The following GALNS variants were observed in gnomAD, a reference collection of about 807,000 sequenced individuals.
GALNS encodes N-acetylgalactosamine-6-sulfatase.
GALNS carries 65 observed loss-of-function variants against 65.9 expected under a neutral mutation model. The observed-to-expected ratio is 0.99, with a 90% CI of 0.81 to 1.21. The LOEUF (loss-of-function observed/expected upper bound fraction) is 1.21, where lower values mean the gene tolerates loss of function less well. Among genes scored for constraint, GALNS ranks in the 50% most tolerant of loss-of-function variants. The pLI, the probability that GALNS is intolerant of heterozygous loss-of-function variation, is 0.00. For synonymous variants in GALNS, 346 were observed against 288.9 expected (o/e 1.20, Z -2.00); for missense variants, 776 against 700.7 (o/e 1.11, Z -1.21).
rs377285422 is a variant in GALNS at position 88,832,070 on chromosome 16, C to T, written c.930G>A (p.Lys310=). Residue 310 remains lysine (K), a synonymous_variant, in exon 9 of 14, where the codon AAG becomes AAA. Coordinates refer to ENST00000268695, the MANE Select transcript of GALNS (RefSeq NM_000512.5). ...TCATCCCTCCTTCAAACGTGGTCTG[C>T]TTCCCACACAGAAAGGGGCCGTTGC... ...GGSNGPFLCG[K]QTTFEGGMRE... The T allele has an allele frequency of 5.6e-6, 9 of 1,613,822 alleles. No homozygotes were observed. The highest frequency in any genetic ancestry group is 7.6e-6 in the Non-Finnish European group (9 of 1,179,934).
intron 9 of GALNS, among the ~76,000 whole-genome samples, chr16:88,827,818 C>T (rs763271905): frequency 6.6e-6 from 1 of 152,220 alleles, no homozygotes; most frequent in Non-Finnish European, 1.5e-5. Flanking sequence ...AGAGACACCC[C>T]TGCCTGGCAA....
intron 13 of GALNS, chr16:88,815,919 C>G: frequency 1.0e-6 from 1 of 985,426 alleles, no homozygotes; most frequent in Non-Finnish European, 1.2e-6. Context: ...GTCCAGGTGG[C>G]CACACTCCCT....
chr16:88,835,261 A>C lies in GALNS; in HGVS notation c.850T>G (p.Phe284Val), dbSNP rs144067930. 536 of 1,610,180 alleles carry C rather than the reference A, an allele frequency of 3.3e-4. 1 individual carries two copies. The highest frequency in any genetic ancestry group is 3.9e-4 in the Non-Finnish European group (454 of 1,178,214). ...DLHVADNTFV[F>V]FTSDNGAALI... ...GCAGCGCCGTTGTCCGACGTGAAGAAGACGAAGGTGTTGTCCGCGACGTGC... is the reference window on the plus strand; with the variant it reads ...GCAGCGCCGTTGTCCGACGTGAAGACGACGAAGGTGTTGTCCGCGACGTGC... Residue 284 changes from phenylalanine (F) to valine (V), a missense_variant, in exon 8 of 14, where the codon TTC becomes GTC. By Grantham distance (50) the Phe-to-Val change is conservative. Transcript: ENST00000268695.
chr16:88,853,334 T>C (rs939324612), intron 1 of GALNS, among the ~76,000 whole-genome samples: 5 of 149,692 alleles, frequency 3.3e-5, no homozygotes, highest in African/African-American at 1.2e-4. Context: ...GAGCCATGGA[T>C]CAGTATCCTT....
chr16:88,822,853 G>A (rs1380394835), intron 11 of GALNS, 143 bp from the exon 12 acceptor site: 21 of 1,289,472 alleles, frequency 1.6e-5, no homozygotes, highest in South Asian at 3.8e-5. Flanking sequence ...ACTGGGGGCC[G>A]TGGGGGGGTC....
chr16:88,816,506 G>A, intron 13 of GALNS: 1 of 984,336 alleles, frequency 1.0e-6, no homozygotes, highest in African/African-American at 1.7e-5. Context: ...TATGAAACTT[G>A]CCAGGCACCC....
intron 1 of GALNS, among the ~76,000 whole-genome samples, chr16:88,850,916 T>C (rs564231171): frequency 6.6e-6 from 1 of 152,326 alleles, no homozygotes; most frequent in African/African-American, 2.4e-5. Flanking sequence ...GAGCTGCTCC[T>C]ATCAGCGAAC....
intron 1 of GALNS, among the ~76,000 whole-genome samples, chr16:88,846,987 T>A (rs552403125): frequency 6.6e-6 from 1 of 152,240 alleles, no homozygotes; most frequent in South Asian, 2.1e-4. Context: ...TGTGGACACC[T>A]GTGGACACAC....
intron 13 of GALNS, chr16:88,816,528 C>T: frequency 3.1e-6 from 1 of 318,028 alleles, no homozygotes; most frequent in South Asian, 1.3e-4. Flanking sequence ...CGCCCCCCGC[C>T]CCCCAACTAA....
At chr16:88,832,619 C>G (rs1911626530) in intron 8 of GALNS, among the ~76,000 whole-genome samples, 1 of 152,170 alleles carries the variant, frequency 6.6e-6, no homozygotes, top group South Asian at 2.1e-4. Flanking sequence ...CAAAGGCCAT[C>G]TCAGGTGACT....
intron 5 of GALNS, 99 bp downstream of exon 5, chr16:88,837,523 T>C (rs1255793119): frequency 2.4e-6 from 3 of 1,272,500 alleles, no homozygotes; most frequent in Non-Finnish European, 3.4e-6. Context: ...CCAGCCCTCA[T>C]GAGTGGCGAC....
chr16:88,841,132 C>A, intron 3 of GALNS, 38 bp from the exon 4 acceptor site: 2 of 1,528,264 alleles, frequency 1.3e-6, no homozygotes, highest in Non-Finnish European at 1.8e-6. Context: ...GAGGAGACCC[C>A]GAGAAGCTGC....
Position 88,835,822 on chromosome 16 carries a change from C to A in GALNS, c.661G>T (p.Ala221Ser), listed in dbSNP as rs1213023233. 3 of 1,614,006 alleles carry A rather than the reference C, an allele frequency of 1.9e-6. No individual in the cohort carries two copies. The highest frequency in any genetic ancestry group is 2.5e-6 in the Non-Finnish European group (3 of 1,180,024). ...QEALDFIKRQARHHPFFLYWA... is the reference protein window; with the variant it reads ...QEALDFIKRQSRHHPFFLYWA... ...TAGAGGAAAAAGGGGTGGTGCCGTG[C>A]CTGTCTCTTAATGAAGTCCAGGGCT... Residue 221 changes from alanine to serine, a missense_variant, in exon 7 of 14, where the codon GCA (alanine) becomes TCA (serine). Physicochemically the swap from Ala to Ser is moderately conservative, Grantham distance 99. Transcript: ENST00000268695.
At chr16:88,822,516 C>T (rs749375937) in intron 12 of GALNS, 73 bp downstream of exon 12, 125 of 1,596,002 alleles carry the variant, frequency 7.8e-5, no homozygotes, top group Admixed American at 4.5e-4. Flanking sequence ...AGGGCTCTGT[C>T]CCTGTGGAGC....
At chr16:88,816,252 A>T in intron 13 of GALNS, 2 of 985,354 alleles carry the variant, frequency 2.0e-6, no homozygotes, top group Non-Finnish European at 2.4e-6. Flanking sequence ...TCTCCATGGC[A>T]GGTGTGGCCT....
chr16:88,853,144 G>T (rs1006028100), intron 1 of GALNS, among the ~76,000 whole-genome samples: 1 of 150,004 alleles, frequency 6.7e-6, no homozygotes, highest in East Asian at 2.0e-4. Context: ...CCAGCTACTC[G>T]GGAGGCTGAG....
chr16:88,846,771 G>A (rs1967265985), intron 1 of GALNS, among the ~76,000 whole-genome samples: 1 of 152,054 alleles, frequency 6.6e-6, no homozygotes, highest in African/African-American at 2.4e-5. Context: ...TCGAACTCCT[G>A]ACCTCCGGTG....
rs1911561490 is a variant in GALNS at position 88,832,046 on chromosome 16, C to T, written c.954G>A (p.Met318Ile). The T allele has an allele frequency of 6.2e-7, 1 of 1,613,786 alleles. No individual in the cohort carries two copies. Among genetic ancestry groups the T allele is most frequent in the Non-Finnish European group, 8.5e-7 (1 of 1,179,926 alleles). ...CGKQTTFEGG[M>I]REPALAWWPG... ...GCCACCATGCGAGGGCAGGCTCCCT[C>T]ATCCCTCCTTCAAACGTGGTCTGCT... is the stretch of plus-strand genomic sequence containing the variant. Residue 318 changes from methionine to isoleucine, a missense_variant, in exon 9 of 14, where the codon ATG becomes ATA. Transcript: ENST00000268695.
intron 1 of GALNS, chr16:88,855,824 C>A: frequency 2.0e-6 from 1 of 506,508 alleles, no homozygotes; most frequent in Admixed American, 3.4e-5. Context: ...CTGAAGGCAC[C>A]TGTCAGGGTC....
Sources: allele counts gnomAD v4.1 joint callset (sites outside exome capture counted in the v4.1 genomes callset), GRCh38; gene constraint gnomAD v4.1.1; transcripts MANE v1.5; gene names NCBI Gene and HGNC (gene_info 2026-07-23, HGNC 2026-07-21).